SIN3B: variants seen among roughly 807,000 people sequenced by gnomAD.
SIN3B encodes the protein SIN3 transcription regulator family member B.
Under a neutral mutation model 120.2 loss-of-function variants are expected in SIN3B, and 19 were observed. That is an observed-to-expected ratio of 0.16 (90% confidence interval 0.11 to 0.23). The LOEUF (loss-of-function observed/expected upper bound fraction) is 0.23. Among genes scored for constraint, SIN3B ranks in the 10% least tolerant of loss-of-function variants. The pLI, the probability that SIN3B is intolerant of heterozygous loss-of-function variation, is 1.00. For missense variants in SIN3B, 1,073 were observed against 1,573.0 expected, an observed-to-expected ratio of 0.68 and a Z score of 5.38; for synonymous variants, 654 against 653.2, an observed-to-expected ratio of 1.00 and a Z score of -0.02.
At chr19:16,836,377 C>G (rs931217464) in intron 3 of SIN3B, among the ~76,000 whole-genome samples, 7 of 151,900 alleles carry the variant, frequency 4.6e-5, no homozygotes, top group African/African-American at 1.7e-4. Context: ...CTTACTGGAG[C>G]CTTGCCTTGG....
intron 8 of SIN3B, among the ~76,000 whole-genome samples, chr19:16,859,111 AC>A (rs1971654344): frequency 1.3e-5 from 2 of 152,154 alleles, no homozygotes; most frequent in Admixed American, 1.3e-4. Flanking sequence ...TGATCTCACC[AC>A]TGCACTCAGC....
intron 3 of SIN3B, among the ~76,000 whole-genome samples, chr19:16,841,126 G>A (rs1478984448): frequency 6.6e-6 from 1 of 152,060 alleles, no homozygotes; most frequent in African/African-American, 2.4e-5. Flanking sequence ...AGGGAGGCAA[G>A]CTTCTTTCTA....
intron 8 of SIN3B, among the ~76,000 whole-genome samples, chr19:16,857,052 G>A (rs1971625502): frequency 6.6e-6 from 1 of 151,990 alleles, no homozygotes; most frequent in African/African-American, 2.4e-5. Context: ...TATTATTTTT[G>A]CATTGCTGTC....
chr19:16,869,890 A>C lies in SIN3B; in HGVS notation c.2237A>C (p.Asn746Thr). The C allele has an allele frequency of 6.2e-7, 1 of 1,614,250 alleles. No homozygotes were observed. The highest frequency in any genetic ancestry group is 8.5e-7 in the Non-Finnish European group (1 of 1,180,044). ...LDDVYSLFFA[N>T]NNWYFFLRLH... is the part of the protein sequence containing the mutation. ...GATGTCTACAGCCTATTTTTTGCCA[A>C]CAACAACTGGTACTTCTTCCTGCGC... The change falls in exon 13 of 19, where the codon AAC (asparagine) becomes ACC (threonine). Residue 746 changes from asparagine (N) to threonine (T), a missense_variant. Transcript: ENST00000248054.
chr19:16,845,383 CTG>C (rs1971466425), intron 4 of SIN3B, among the ~76,000 whole-genome samples: 1 of 149,246 alleles, frequency 6.7e-6, no homozygotes, highest in Non-Finnish European at 1.5e-5. Context: ...AGCAATTCTC[CTG>C]CTTCAACCTC....
intron 5 of SIN3B, among the ~76,000 whole-genome samples, chr19:16,847,424 G>A (rs1027236184): frequency 6.6e-6 from 1 of 152,268 alleles, no homozygotes; most frequent in African/African-American, 2.4e-5. Flanking sequence ...TGTCTGCCCT[G>A]CAGAGCCCCA....
intron 3 of SIN3B, among the ~76,000 whole-genome samples, chr19:16,841,413 C>T (rs887111389): frequency 1.3e-5 from 2 of 152,150 alleles, no homozygotes; most frequent in Admixed American, 6.5e-5. Context: ...TTGCAGGAGG[C>T]GTGGGAGACT....
intron 5 of SIN3B, 95 bp from the exon 6 acceptor site, chr19:16,851,317 C>T (rs1413817035): frequency 1.5e-5 from 21 of 1,424,366 alleles, no homozygotes; most frequent in Middle Eastern, 3.7e-4. Context: ...CATTGCCCAC[C>T]GGGCTGTGGG....
In SIN3B at chr19:16,876,006, A is replaced by C. The variant is rs1599618469; in HGVS notation, c.2593-49A>C. 6.6e-7 allele frequency: 1 copy of C among 1,513,260 alleles called. No individual in the cohort carries two copies. The highest frequency in any genetic ancestry group is 8.9e-7 in the Non-Finnish European group (1 of 1,128,060). The allele number at this position is 1,513,260 out of a possible 1,614,324, so 93.7% of individuals were successfully genotyped here. ...GACTTCCTCTGTGGGTGAGGTGGGG[A>C]CTCCCGCAGGAGGCGGGGTGGCCGC... On this transcript the variant is annotated intron_variant, in intron 14 of 18. Coordinates refer to ENST00000248054, the MANE Select transcript of SIN3B (RefSeq NM_001297595.2). The surrounding 1 kb of genome is among the most constrained non-coding windows in gnomAD (Gnocchi z 7.1).
At chr19:16,844,326 C>G (rs1290189147) in intron 4 of SIN3B, 1 of 152,274 alleles carries the variant, frequency 6.6e-6, no homozygotes, top group South Asian at 2.1e-4. Flanking sequence ...CCGTGTGTTA[C>G]TGTTTCTCCA....
chr19:16,846,922 A>G lies in SIN3B; in HGVS notation c.583-48A>G, dbSNP rs370555084. The G allele has an allele frequency of 6.9e-6, 11 of 1,591,124 alleles. No homozygotes were observed. The Admixed American group carries it at 1.4e-4, about 20-fold the overall frequency. The stretch of plus-strand genomic sequence containing the variant: ...GCCTGAGTGTCCCGGCCCAGGGCAC[A>G]GCACTCCTTGACTAACGACTTATTT... On this transcript the variant is annotated intron_variant, in intron 4 of 18. Coordinates refer to ENST00000248054, the MANE Select transcript of SIN3B (RefSeq NM_001297595.2).
At chr19:16,852,259 T>C (rs1444248410) in intron 6 of SIN3B, among the ~76,000 whole-genome samples, 1 of 152,112 alleles carries the variant, frequency 6.6e-6, no homozygotes, top group Non-Finnish European at 1.5e-5. Context: ...TCCTGTGTCC[T>C]TTTGGCATGT....
At position 16,876,174 on chromosome 19, in the gene SIN3B, G is replaced by A. The variant is rs760462001; in HGVS notation, c.2712G>A (p.Glu904=). Residue 904 remains glutamate, a synonymous_variant, in exon 15 of 19, where the codon GAG becomes GAA. Coordinates refer to ENST00000248054, the MANE Select transcript of SIN3B (RefSeq NM_001297595.2). This position sits in a 1 kb window ranked among gnomAD's most constrained non-coding sequence, Gnocchi z 7.1. ...LSSRCVRAAR[E]TSYQWKAERC... The stretch of plus-strand genomic sequence containing the variant: ...CCCGCTGCGTCCGCGCTGCTAGGGA[G>A]ACCAGCTACCAGTGGAAGGCTGAGC... The A allele has an allele frequency of 1.1e-5, 18 of 1,613,268 alleles. No homozygotes were observed. The East Asian group carries it at 3.8e-4, about 34-fold the overall frequency.
intron 4 of SIN3B, among the ~76,000 whole-genome samples, chr19:16,842,705 C>T (rs1365188072): frequency 6.6e-6 from 1 of 152,134 alleles, no homozygotes; most frequent in Admixed American, 6.6e-5. Context: ...CTTAGCTGTT[C>T]ATTGCAGTGG....
chr19:16,829,980 CCT>C, intron 2 of SIN3B, 83 bp downstream of exon 2: 1 of 894,274 alleles, frequency 1.1e-6, no homozygotes, highest in Non-Finnish European at 1.9e-6. Context: ...CCCTCTCCAG[CCT>C]GCCCCCTTAG....
At chr19:16,830,036 C>G (rs1377067279) in intron 2 of SIN3B, 139 bp downstream of exon 2, 8 of 613,716 alleles carry the variant, frequency 1.3e-5, no homozygotes, top group Non-Finnish European at 2.4e-5. Context: ...AGAGCCCTAG[C>G]TCCTTCTCGT....
At position 16,876,621 on chromosome 19, in the gene SIN3B, G is replaced by A. The variant is rs551032069; in HGVS notation, c.2859+43G>A. ...GTCTGTGCCACGCATACCAGGGAGC[G>A]CCTGAGGGCAGCAGCATGGGGCTCC... On this transcript the variant is annotated intron_variant, in intron 16 of 18. Transcript: ENST00000248054. The surrounding 1 kb of genome is among the most constrained non-coding windows in gnomAD (Gnocchi z 7.1). 2.8e-5 allele frequency: 43 copies of A among 1,509,246 alleles called. No homozygotes were observed. The highest frequency in any genetic ancestry group is 1.3e-4 in the South Asian group (11 of 87,722). 93.5% of individuals were successfully genotyped at this position (1,509,246 alleles called of 1,614,324 possible).
In SIN3B at chr19:16,878,514, G is replaced by A; in HGVS notation, c.3180G>A (p.Leu1060=). The part of the protein sequence containing the change: ...CRAKQVQPLV[L]LRHHQHFEEW... ...TTCAACAGGTGCAGCCCCTGGTCCT[G>A]CTCCGCCACCACCAGCACTTTGAGG... The change falls in exon 19 of 19, where the codon CTG becomes CTA. Residue 1060 remains leucine, a synonymous_variant. Transcript: ENST00000248054. 1 of 1,579,204 alleles carries A rather than the reference G, an allele frequency of 6.3e-7. No individual in the cohort carries two copies.
At chr19:16,871,181 CTT>C (rs755281010) in intron 13 of SIN3B, 46 bp from the exon 14 acceptor site, 1 of 1,612,560 alleles carries the variant, frequency 6.2e-7, no homozygotes, top group South Asian at 1.1e-5. Flanking sequence ...GCCTGCGTGA[CTT>C]TGCGCTCTCC....
Sources: allele counts gnomAD v4.1 joint callset (sites outside exome capture counted in the v4.1 genomes callset), GRCh38; gene constraint gnomAD v4.1.1; non-coding constraint Gnocchi (gnomAD v3.1); transcripts MANE v1.5; gene names NCBI Gene and HGNC (gene_info 2026-07-23, HGNC 2026-07-21).